Variants in FUT8 observed in about 807,000 individuals in gnomAD.
FUT8 encodes the protein fucosyltransferase 8.
In FUT8, 29 loss-of-function variants were observed where a neutral mutation model predicts 71.3. The ratio of observed to expected loss-of-function variants is 0.41; its 90% CI spans 0.30 to 0.55. The LOEUF is 0.55. Among genes scored for constraint, FUT8 ranks in the 20% least tolerant of loss-of-function variants. The probability of loss-of-function intolerance (pLI) is 0.34; values close to 1 mark genes in which losing one functional copy is unlikely to be tolerated. For missense variants in FUT8, 544 were observed against 702.1 expected (o/e 0.77, Z 2.55); for synonymous variants, 254 against 239.3 (o/e 1.06, Z -0.57).
chr14:65,474,079 G>T (rs1022381730), intron 2 of FUT8, among the ~76,000 whole-genome samples: 4 of 152,144 alleles, frequency 2.6e-5, no homozygotes, highest in Admixed American at 6.5e-5. Flanking sequence ...CTCACAAGCG[G>T]GAGCTAAGTC....
chr14:65,726,402 A>T (rs1313208902), intron 9 of FUT8, among the ~76,000 whole-genome samples: 1 of 152,240 alleles, frequency 6.6e-6, no homozygotes, highest in East Asian at 1.9e-4. Flanking sequence ...GGTTTAATAG[A>T]CTTACAGTTC....
intron 1 of FUT8, among the ~76,000 whole-genome samples, chr14:65,417,849 T>A (rs995315400): frequency 5.3e-5 from 8 of 152,200 alleles, no homozygotes; most frequent in African/African-American, 1.4e-4. Flanking sequence ...GAAAAACTTT[T>A]AAAGATCACT....
At chr14:65,582,611 G>C (rs978468065) in intron 3 of FUT8, among the ~76,000 whole-genome samples, 9 of 152,046 alleles carry the variant, frequency 5.9e-5, no homozygotes, top group African/African-American at 1.9e-4. Context: ...TCTGAATTAG[G>C]TGCCCTTTCT....
At chr14:65,423,263 CT>C (rs1180861343) in intron 1 of FUT8, among the ~76,000 whole-genome samples, 167 of 119,446 alleles carry the variant, frequency 1.4e-3, no homozygotes, top group Admixed American at 1.5e-3. Context: ...GATTTTCTTT[CT>C]TTTTTTTTTT....
rs905684448 is a variant in FUT8, at chr14:65,437,434, A to T, written c.-325-18187A>T. On this transcript the variant is annotated intron_variant, in intron 1 of 10. Transcript: ENST00000673929. ...GGAGAGAATAGAGGGCTATACTATT[A>T]TATTTTCTGTACTTGGGACCTCCAA... is the stretch of plus-strand genomic sequence containing the variant. Among the ~76,000 whole-genome samples the T allele has an allele frequency of 2.0e-5, 3 of 152,288 alleles. No individual in the cohort carries two copies. In the East Asian group the frequency reaches 5.8e-4, roughly 29 times the overall value.
the FUT8 span, among the ~76,000 whole-genome samples, chr14:65,361,795 C>CAAAT: frequency 2.0e-4 from 25 of 123,526 alleles, no homozygotes; most frequent in African/African-American, 7.1e-4. Context: ...TCAAAGAAAA[C>CAAAT]AAACAAACAA....
intron 6 of FUT8, chr14:65,645,857 A>G (rs1054414945): frequency 2.0e-5 from 3 of 152,190 alleles, no homozygotes; most frequent in Admixed American, 6.5e-5. Context: ...CCCTGTATCT[A>G]TTTATGTGAC....
the FUT8 span, among the ~76,000 whole-genome samples, chr14:65,379,264 T>C: frequency 6.6e-6 from 1 of 152,082 alleles, no homozygotes; most frequent in African/African-American, 2.4e-5. Context: ...GTGTGGTGGC[T>C]CATGCCTGTA....
At chr14:65,601,068 CAT>C (rs1230161573) in intron 3 of FUT8, among the ~76,000 whole-genome samples, 1 of 152,130 alleles carries the variant, frequency 6.6e-6, no homozygotes, top group Non-Finnish European at 1.5e-5. Flanking sequence ...TACAGATTAT[CAT>C]ATGTGATTAT....
chr14:65,544,098 A>G (rs564497827), intron 2 of FUT8, among the ~76,000 whole-genome samples: 1 of 152,296 alleles, frequency 6.6e-6, no homozygotes, highest in Admixed American at 6.5e-5. Flanking sequence ...TTGGAAAAGA[A>G]GTATAATATA....
chr14:65,685,797 G>T (rs1893258347), intron 7 of FUT8, among the ~76,000 whole-genome samples: 1 of 152,164 alleles, frequency 6.6e-6, no homozygotes, highest in Non-Finnish European at 1.5e-5. Flanking sequence ...AGTGATGCTG[G>T]TGGTAGTGCC....
At chr14:65,710,316 C>G (rs1894751002) in intron 7 of FUT8, among the ~76,000 whole-genome samples, 1 of 151,932 alleles carries the variant, frequency 6.6e-6, no homozygotes, top group South Asian at 2.1e-4. Flanking sequence ...TTAGAAAATA[C>G]TGAACAAGAT....
At chr14:65,714,706 A>G (rs948738884) in intron 7 of FUT8, among the ~76,000 whole-genome samples, 11 of 152,100 alleles carry the variant, frequency 7.2e-5, no homozygotes, top group South Asian at 2.1e-4. Flanking sequence ...GATTCTTCCA[A>G]TCTATGAACA....
chr14:65,575,970 A>G (rs1018562438), intron 3 of FUT8, among the ~76,000 whole-genome samples: 2 of 152,196 alleles, frequency 1.3e-5, no homozygotes, highest in Non-Finnish European at 2.9e-5. Flanking sequence ...AAAAATACAA[A>G]TGGAATTAGT....
At chr14:65,680,610 G>C (rs1469326216) in intron 7 of FUT8, among the ~76,000 whole-genome samples, 1 of 152,166 alleles carries the variant, frequency 6.6e-6, no homozygotes, top group Non-Finnish European at 1.5e-5. Flanking sequence ...ATGTTGATTA[G>C]AAAGCTGTAC....
At chr14:65,422,554 A>C (rs2065314736) in intron 1 of FUT8, among the ~76,000 whole-genome samples, 1 of 152,026 alleles carries the variant, frequency 6.6e-6, no homozygotes, top group Non-Finnish European at 1.5e-5. Context: ...CTGACATGCA[A>C]ATGGCATGAT....
intron 6 of FUT8, among the ~76,000 whole-genome samples, chr14:65,659,522 T>C (rs1032019005): frequency 6.6e-6 from 1 of 152,142 alleles, no homozygotes; most frequent in Admixed American, 6.5e-5. Flanking sequence ...ACAGGAACAG[T>C]TTCAACCATT....
chr14:65,412,651 A>T (rs1196777796), upstream of FUT8: 1 of 223,374 alleles, frequency 4.5e-6, no homozygotes, highest in African/African-American at 2.4e-5. Context: ...GGCACATGCC[A>T]GGGTCGCCGT....
At chr14:65,604,586 G>A (rs993679573) in intron 3 of FUT8, among the ~76,000 whole-genome samples, 2 of 151,672 alleles carry the variant, frequency 1.3e-5, no homozygotes, top group African/African-American at 4.8e-5. Context: ...AAAACCTCTG[G>A]GATACAGCAA....
Sources: gnomAD v4.1 joint callset for allele counts (sites outside exome capture counted in the v4.1 genomes callset) on GRCh38, gnomAD v4.1.1 for gene constraint, MANE v1.5 for transcripts, NCBI Gene and HGNC (gene_info 2026-07-23, HGNC 2026-07-21) for gene names.